The following HACD4 variants were observed in gnomAD, a reference collection of about 807,000 sequenced individuals.
HACD4 encodes the protein 3-hydroxyacyl-CoA dehydratase 4, also known as very-long-chain (3R)-3-hydroxyacyl-CoA dehydratase 4.
In HACD4, 35 loss-of-function variants were observed where a neutral mutation model predicts 33.3. The observed-to-expected ratio is 1.05, with a 90% confidence interval of 0.80 to 1.39. HACD4 has a LOEUF of 1.39. Among genes scored for constraint, HACD4 ranks in the 40% most tolerant of loss-of-function variants. The pLI, the probability that HACD4 is intolerant of heterozygous loss-of-function variation, is 0.00. For missense variants in HACD4, 323 were observed against 276.5 expected (o/e 1.17, Z -1.19); for synonymous variants, 118 against 98.0 (o/e 1.20, Z -1.21).
intron 2 of HACD4, among the ~76,000 whole-genome samples, chr9:21,027,298 G>T (rs1818086818): frequency 6.6e-6 from 1 of 152,112 alleles, no homozygotes. Flanking sequence ...AGGACTTTTG[G>T]GGTTTGCATT....
chr9:21,012,491 A>C (rs1842459250), intron 4 of HACD4, among the ~76,000 whole-genome samples: 1 of 152,232 alleles, frequency 6.6e-6, no homozygotes, highest in African/African-American at 2.4e-5. Context: ...CCTTGAAAAC[A>C]TGAATGGGGA....
At chr9:21,020,620 G>C (rs548456720) in intron 3 of HACD4, among the ~76,000 whole-genome samples, 1 of 152,132 alleles carries the variant, frequency 6.6e-6, no homozygotes, top group Non-Finnish European at 1.5e-5. Context: ...GCTCATTTCG[G>C]AGGAGGGGAT....
chr9:21,015,227 CTT>C (rs1352332701), intron 4 of HACD4: 1 of 152,036 alleles, frequency 6.6e-6, no homozygotes, highest in Non-Finnish European at 1.5e-5. Context: ...AACTAGGGCT[CTT>C]TTGTTACCTA....
At chr9:21,023,574 C>CTTTT (rs397709627) in intron 3 of HACD4, among the ~76,000 whole-genome samples, 4 of 128,924 alleles carry the variant, frequency 3.1e-5, no homozygotes, top group South Asian at 2.5e-4. Flanking sequence ...ACTTAACAAT[C>CTTTT]TTTTTTTTTT....
At chr9:21,017,334 G>A (rs1474829063) in intron 3 of HACD4, among the ~76,000 whole-genome samples, 2 of 152,080 alleles carry the variant, frequency 1.3e-5, no homozygotes, top group African/African-American at 4.8e-5. Context: ...GTCTATGTTT[G>A]GCTAAGGGGA....
chr9:21,008,360 G>A (rs1044502588), intron 5 of HACD4, among the ~76,000 whole-genome samples: 8 of 152,136 alleles, frequency 5.3e-5, no homozygotes, highest in African/African-American at 1.7e-4. Flanking sequence ...TTGAATGTTT[G>A]TCCATGGTAT....
intron 2 of HACD4, among the ~76,000 whole-genome samples, chr9:21,028,651 G>A (rs947604527): frequency 6.6e-6 from 1 of 152,154 alleles, no homozygotes; most frequent in Non-Finnish European, 1.5e-5. Flanking sequence ...TGTAAACTGT[G>A]AGGACACTTA....
Position 21,001,256 on chromosome 9 carries a change from C to T in HACD4, c.*5781G>A, listed in dbSNP as rs1057196263. On this transcript the variant is annotated 3_prime_UTR_variant, in exon 7 of 7. Transcript: ENST00000495827. ...AATATAGAGAAAATCTAAGACGATA[C>T]AAAAAAGAAATTCAAGAGCTGGAAA... 2 of 151,304 alleles carry T rather than the reference C, an allele frequency of 1.3e-5. No individual in the cohort carries two copies. The highest frequency in any genetic ancestry group is 3.0e-5 in the Non-Finnish European group (2 of 67,788). 9.4% of individuals were successfully genotyped at this position (151,304 alleles called of 1,614,324 possible). A position where few individuals can be genotyped will look rare whatever the true frequency, so the allele number is the denominator to read the frequency against.
chr9:21,031,524 T>G, intron 1 of HACD4, 29 bp downstream of exon 1: 1 of 1,453,852 alleles, frequency 6.9e-7, no homozygotes, highest in Non-Finnish European at 9.0e-7. Context: ...CCGCGCCCCC[T>G]CCCCTCGGGA....
intron 3 of HACD4, among the ~76,000 whole-genome samples, chr9:21,020,295 T>A (rs759469537): frequency 6.6e-6 from 1 of 152,162 alleles, no homozygotes; most frequent in Non-Finnish European, 1.5e-5. Flanking sequence ...AATATTGGCA[T>A]TTAAAGCATT....
intron 5 of HACD4, among the ~76,000 whole-genome samples, chr9:21,010,396 A>T (rs1348499681): frequency 6.8e-6 from 1 of 148,082 alleles, no homozygotes; most frequent in African/African-American, 2.5e-5. Flanking sequence ...TTCATTGAGC[A>T]TGTATACTGG....
chr9:21,015,061 T>A (rs1210404135), intron 4 of HACD4: 1 of 152,144 alleles, frequency 6.6e-6, no homozygotes. Flanking sequence ...AAATGAAAAA[T>A]TACTAATTTA....
chr9:21,017,165 G>T (rs1016573666), intron 3 of HACD4, among the ~76,000 whole-genome samples: 1 of 152,046 alleles, frequency 6.6e-6, no homozygotes, highest in Non-Finnish European at 1.5e-5. Flanking sequence ...AAAAGACTGG[G>T]ATAACCTGTG....
intron 1 of HACD4, 144 bp from the exon 2 acceptor site, chr9:21,029,542 TA>T (rs1818153133): frequency 2.1e-6 from 1 of 480,318 alleles, no homozygotes; most frequent in African/African-American, 2.0e-5. Flanking sequence ...TACCCCCAAG[TA>T]CATATCAGAT....
chr9:21,029,387 T>G lies in HACD4; in HGVS notation c.50A>C (p.Asn17Thr), dbSNP rs528813460. 5.1e-4 allele frequency: 799 copies of G among 1,575,992 alleles called. 10 individuals carry two copies. The South Asian group carries it at 8.5e-3, about 17-fold the overall frequency. ...TAAGTAATAGATGAAAAGATACGCATTCTTCCTATACCTATAAATACAGGA... is the reference window on the plus strand; with the variant it reads ...TAAGTAATAGATGAAAAGATACGCAGTCTTCCTATACCTATAAATACAGGA... Reference protein sequence around the residue: ...PAWLQPRYRKNAYLFIYYLIQ... With the variant: ...PAWLQPRYRKTAYLFIYYLIQ... Residue 17 changes from asparagine to threonine, a missense_variant, in exon 2 of 7, where the codon AAT becomes ACT. By Grantham distance (65) the Asn-to-Thr change is moderately conservative (BLOSUM62 0). Transcript: ENST00000495827.
rs1282021700 is a variant in HACD4, at chr9:21,004,295, G to C, written c.*2742C>G. 1 of 152,216 alleles carries C rather than the reference G, an allele frequency of 6.6e-6. No individual in the cohort carries two copies. The highest frequency in any genetic ancestry group is 2.4e-5 in the African/African-American group (1 of 41,440). 9.4% of individuals were successfully genotyped at this position (152,216 alleles called of 1,614,324 possible). ...GTGCTAGGATTACAGGTATGAGCCAGCATGCCTGGCCAGGGTCTTCTTTTA... is the reference window on the plus strand; with the variant it reads ...GTGCTAGGATTACAGGTATGAGCCACCATGCCTGGCCAGGGTCTTCTTTTA... On this transcript the variant is annotated 3_prime_UTR_variant, in exon 7 of 7. Coordinates refer to ENST00000495827, the MANE Select transcript of HACD4 (RefSeq NM_001010915.5). The surrounding 1 kb of genome is among the most constrained non-coding windows in gnomAD (Gnocchi z 4.6).
intron 3 of HACD4, among the ~76,000 whole-genome samples, chr9:21,020,086 A>G (rs1008575099): frequency 1.3e-5 from 2 of 152,098 alleles, no homozygotes; most frequent in Admixed American, 1.3e-4. Context: ...ACTGGCAAAT[A>G]CAGAAACAGT....
At position 21,002,656 on chromosome 9, in the gene HACD4, T is replaced by C. The variant is rs1247657631; in HGVS notation, c.*4381A>G. ...GGACAGTGGTGATGGTTGCACAATA[T>C]AAATTACTTACTACTACTGAACTGC... On this transcript the variant is annotated 3_prime_UTR_variant, in exon 7 of 7. Coordinates refer to ENST00000495827, the MANE Select transcript of HACD4 (RefSeq NM_001010915.5). 1 of 152,114 alleles carries C rather than the reference T, an allele frequency of 6.6e-6. No homozygotes were observed. Among genetic ancestry groups the C allele is most frequent in the Non-Finnish European group, 1.5e-5 (1 of 67,976 alleles). The allele number at this position is 152,114 out of a possible 1,614,324, so 9.4% of individuals were successfully genotyped here.
chr9:21,019,233 T>C (rs1392145763), intron 3 of HACD4, among the ~76,000 whole-genome samples: 1 of 152,058 alleles, frequency 6.6e-6, no homozygotes, highest in African/African-American at 2.4e-5. Context: ...ATATTTATAT[T>C]ACACTTGGTG....
Sources: allele counts gnomAD v4.1 joint callset (sites outside exome capture counted in the v4.1 genomes callset), GRCh38; gene constraint gnomAD v4.1.1; non-coding constraint Gnocchi (gnomAD v3.1); transcripts MANE v1.5; gene names NCBI Gene and HGNC (gene_info 2026-07-23, HGNC 2026-07-21).